FAAH2: variants seen among roughly 807,000 people sequenced by gnomAD.
FAAH2 encodes fatty-acid amide hydrolase 2.
FAAH2 carries 60 observed loss-of-function variants against 36.9 expected under a neutral mutation model. That is an observed-to-expected ratio of 1.63 (90% CI 1.32 to 2.02). The LOEUF (loss-of-function observed/expected upper bound fraction) is 2.02. FAAH2 is among the 30% of genes most tolerant of loss of function. FAAH2 has a pLI of 0.00. For synonymous variants in FAAH2, 214 were observed against 143.8 expected, an observed-to-expected ratio of 1.49 and a Z score of -3.49; for missense variants, 689 against 397.5, an observed-to-expected ratio of 1.73 and a Z score of -6.23.
the FAAH2 span, among the ~76,000 whole-genome samples, chrX:57,139,869 A>G: frequency 9.0e-6 from 1 of 111,273 alleles, no homozygotes; most frequent in South Asian, 3.8e-4. Context: ...GAATTTTAGG[A>G]CTGTTTATTT....
intron 7 of FAAH2, among the ~76,000 whole-genome samples, chrX:57,428,612 G>A (rs1298927528): frequency 1.8e-5 from 2 of 111,877 alleles, no homozygotes; most frequent in African/African-American, 3.3e-5. Flanking sequence ...ACTGGTCTTC[G>A]ATAAAGTCAA....
intron 7 of FAAH2, among the ~76,000 whole-genome samples, chrX:57,395,912 G>T (rs1441306160): frequency 8.9e-6 from 1 of 111,931 alleles, no homozygotes; most frequent in African/African-American, 3.2e-5. Flanking sequence ...CATAATTTAA[G>T]TAAGATTGGG....
chrX:57,301,935 G>A (rs1413450551), intron 2 of FAAH2, among the ~76,000 whole-genome samples: 3 of 112,049 alleles, frequency 2.7e-5, no homozygotes, highest in Non-Finnish European at 5.6e-5. Context: ...ATGCAGTTTC[G>A]TCTTATGCTC....
chrX:57,214,006 G>A, the FAAH2 span, among the ~76,000 whole-genome samples: 910 of 111,694 alleles, frequency 8.1e-3, 8 homozygotes, highest in African/African-American at 0.028. Context: ...CTGATGTTGG[G>A]TGCATTGATA....
intron 7 of FAAH2, among the ~76,000 whole-genome samples, chrX:57,404,564 G>A (rs1471155764): frequency 9.0e-6 from 1 of 111,669 alleles, no homozygotes; most frequent in Non-Finnish European, 1.9e-5. Flanking sequence ...AGAGTTGTAT[G>A]CCTAAATTGG....
chrX:57,286,991 C>A lies in FAAH2; in HGVS notation c.166C>A (p.Leu56Met), dbSNP rs748960029. ...EPLLLLSGMQLAKLIRQRKVK... is the reference protein window; with the variant it reads ...EPLLLLSGMQMAKLIRQRKVK... ...ATTGCTTCTGCTTTCGGGGATGCAG[C>A]TGGCCAAGCTGATCCGACAGAGAAA... The change falls in exon 1 of 11, where the codon CTG becomes ATG. Residue 56 changes from leucine to methionine, a missense_variant. By Grantham distance (15) the Leu-to-Met change is conservative (BLOSUM62 2). Coordinates refer to ENST00000374900, the MANE Select transcript of FAAH2 (RefSeq NM_174912.4). 8.4e-6 allele frequency: 10 copies of A among 1,192,238 alleles called. No homozygotes were observed. Among genetic ancestry groups the A allele is most frequent in the Non-Finnish European group, 1.1e-5 (10 of 886,225 alleles).
intron 7 of FAAH2, among the ~76,000 whole-genome samples, chrX:57,402,232 C>T (rs1420471200): frequency 8.9e-6 from 1 of 112,009 alleles, no homozygotes; most frequent in Non-Finnish European, 1.9e-5. Context: ...TGGGCCTTCC[C>T]GTGATTCCCT....
At position 57,320,406 on chromosome X, in the gene FAAH2, A is replaced by G. The variant is rs148995097; in HGVS notation, c.412+9677A>G. On this transcript the variant is annotated intron_variant, in intron 3 of 10. Transcript: ENST00000374900. The stretch of plus-strand genomic sequence containing the variant: ...AAGAAGACATTTATGTGGCCAACAA[A>G]CATATGAAAAAAAGCTCATCATCCC... Among the ~76,000 whole-genome samples, 653 of 112,551 alleles carry G rather than the reference A, an allele frequency of 5.8e-3. 3 individuals carry two copies. Among genetic ancestry groups the G allele is most frequent in the Middle Eastern group, 0.018 (4 of 219 alleles).
At chrX:57,438,680 C>T (rs1444998117) in intron 8 of FAAH2, among the ~76,000 whole-genome samples, 4 of 108,951 alleles carry the variant, frequency 3.7e-5, no homozygotes, top group East Asian at 2.9e-4. Context: ...ATACATGTGC[C>T]ATGTTGGTGT....
intron 7 of FAAH2, among the ~76,000 whole-genome samples, chrX:57,408,372 T>G (rs1408513236): frequency 3.6e-5 from 4 of 110,894 alleles, no homozygotes; most frequent in African/African-American, 9.8e-5. Context: ...CTTTCTCCTC[T>G]TGGTTGAACT....
At chrX:57,261,886 G>C in the FAAH2 span, among the ~76,000 whole-genome samples, 2 of 111,168 alleles carry the variant, frequency 1.8e-5, no homozygotes, top group Admixed American at 1.9e-4. Flanking sequence ...TGGTGATGTT[G>C]CAAGAAAGAA....
chrX:57,277,370 C>T, the FAAH2 span, among the ~76,000 whole-genome samples: 4 of 111,707 alleles, frequency 3.6e-5, no homozygotes, highest in Non-Finnish European at 5.6e-5. Flanking sequence ...CAACAAAATT[C>T]AACAGCCTTC....
chrX:57,412,358 G>A (rs774942037), intron 7 of FAAH2, among the ~76,000 whole-genome samples: 4 of 111,270 alleles, frequency 3.6e-5, no homozygotes, highest in Non-Finnish European at 7.5e-5. Context: ...TTCTTCTAAT[G>A]CTATCCCTCC....
At chrX:57,440,729 G>T (rs1413957368) in intron 8 of FAAH2, among the ~76,000 whole-genome samples, 2 of 111,535 alleles carry the variant, frequency 1.8e-5, no homozygotes, top group Non-Finnish European at 3.8e-5. Flanking sequence ...TATGACATTG[G>T]CTTTGGGTTT....
intron 10 of FAAH2, among the ~76,000 whole-genome samples, chrX:57,449,925 C>A: frequency 9.0e-6 from 1 of 111,666 alleles, no homozygotes; most frequent in Non-Finnish European, 1.9e-5. Flanking sequence ...CTTGGCCTCC[C>A]AGAGTGCTGG....
the FAAH2 span, among the ~76,000 whole-genome samples, chrX:57,221,784 T>C: frequency 9.0e-6 from 1 of 110,563 alleles, no homozygotes; most frequent in Non-Finnish European, 1.9e-5. Context: ...TTCCTTTATG[T>C]GGAATACCCC....
intron 5 of FAAH2, among the ~76,000 whole-genome samples, chrX:57,353,256 T>G (rs1344321169): frequency 1.8e-5 from 2 of 108,982 alleles, no homozygotes; most frequent in Non-Finnish European, 3.8e-5. Flanking sequence ...GATGCATAGG[T>G]CAATGGTACA....
the FAAH2 span, among the ~76,000 whole-genome samples, chrX:57,254,551 G>T: frequency 8.9e-6 from 1 of 111,741 alleles, no homozygotes. Context: ...AAATGTAAAA[G>T]AACAGAAATC....
chrX:57,403,482 G>T (rs951126172), intron 7 of FAAH2, among the ~76,000 whole-genome samples: 10 of 112,740 alleles, frequency 8.9e-5, no homozygotes, highest in Non-Finnish European at 1.1e-4. Flanking sequence ...GCTGGGCTGG[G>T]TTCCTGAGTA....
Sources: gnomAD v4.1 joint callset for allele counts (sites outside exome capture counted in the v4.1 genomes callset) on GRCh38, gnomAD v4.1.1 for gene constraint, MANE v1.5 for transcripts, NCBI Gene and HGNC (gene_info 2026-07-23, HGNC 2026-07-21) for gene names.